The following ATRNL1 variants were observed in gnomAD, a reference collection of about 807,000 sequenced individuals.
The protein encoded by ATRNL1 is attractin-like protein 1.
Under a neutral mutation model 182.7 loss-of-function variants are expected in ATRNL1, and 95 were observed. The observed-to-expected ratio is 0.52, with a 90% CI of 0.44 to 0.62. ATRNL1 has a LOEUF of 0.62. Among genes scored for constraint, ATRNL1 ranks in the 20% least tolerant of loss-of-function variants. ATRNL1 has a pLI of 0.00. For missense variants in ATRNL1, 1,471 were observed against 1,679.5 expected, an observed-to-expected ratio of 0.88 and a Z score of 2.17; for synonymous variants, 576 against 568.3, an observed-to-expected ratio of 1.01 and a Z score of -0.19.
At chr10:115,800,148 G>A (rs1305725079) in intron 27 of ATRNL1, among the ~76,000 whole-genome samples, 4 of 151,476 alleles carry the variant, frequency 2.6e-5, no homozygotes, top group African/African-American at 7.3e-5. Context: ...TGAACCCCAC[G>A]AGATGGAGGT....
intron 21 of ATRNL1, among the ~76,000 whole-genome samples, chr10:115,436,758 C>A (rs1233023202): frequency 3.9e-5 from 6 of 152,012 alleles, no homozygotes; most frequent in Non-Finnish European, 8.8e-5. Context: ...CATTTACTTG[C>A]GTTTACTGAC....
At chr10:115,420,545 G>A (rs1192782504) in intron 20 of ATRNL1, among the ~76,000 whole-genome samples, 25 of 152,056 alleles carry the variant, frequency 1.6e-4, no homozygotes, top group Non-Finnish European at 5.9e-5. Flanking sequence ...AAACTTATGG[G>A]ATATAGCAAA....
At chr10:115,459,558 T>A (rs190669414) in intron 21 of ATRNL1, among the ~76,000 whole-genome samples, 1 of 150,938 alleles carries the variant, frequency 6.6e-6, no homozygotes, top group East Asian at 1.9e-4. Flanking sequence ...ACCTAATAAA[T>A]TTTGGTCAGA....
At chr10:115,353,713 T>C (rs1856374926) in intron 19 of ATRNL1, among the ~76,000 whole-genome samples, 1 of 152,192 alleles carries the variant, frequency 6.6e-6, no homozygotes, top group South Asian at 2.1e-4. Context: ...TGCTTTTTAT[T>C]TTTTCAATTT....
intron 25 of ATRNL1, among the ~76,000 whole-genome samples, chr10:115,534,986 C>T (rs1274142150): frequency 6.6e-6 from 1 of 152,194 alleles, no homozygotes; most frequent in Non-Finnish European, 1.5e-5. Context: ...CGCTGTTAGT[C>T]TGATGGGCTT....
At position 115,364,578 on chromosome 10, in the gene ATRNL1, G is replaced by A. The variant is rs868914220; in HGVS notation, c.3176-30081G>A. Reference sequence around the variant, plus strand: ...TATGTTGAATAGGAGTGGTGAGAGAGGGCATCCCTGTCTTGTGCCAGTTTT... The same window carrying A: ...TATGTTGAATAGGAGTGGTGAGAGAAGGCATCCCTGTCTTGTGCCAGTTTT... On this transcript the variant is annotated intron_variant, in intron 19 of 28. Transcript: ENST00000355044. 9.9e-3 allele frequency among the ~76,000 whole-genome samples: 1,471 copies of A among 148,010 alleles called. 26 individuals carry two copies. The highest frequency in any genetic ancestry group is 0.034 in the African/African-American group (1,359 of 39,608).
intron 28 of ATRNL1, among the ~76,000 whole-genome samples, chr10:115,940,234 T>TA (rs1953686351): frequency 6.6e-6 from 1 of 152,264 alleles, no homozygotes; most frequent in Admixed American, 6.5e-5. Context: ...CCTATGTGGT[T>TA]AGGGGTACAT....
chr10:115,835,986 A>G (rs1950661579), intron 27 of ATRNL1, among the ~76,000 whole-genome samples: 1 of 152,162 alleles, frequency 6.6e-6, no homozygotes, highest in Admixed American at 6.5e-5. Flanking sequence ...TCCTGTGGCT[A>G]CTTCCCAATG....
At chr10:115,702,186 A>G (rs1946758556) in intron 26 of ATRNL1, among the ~76,000 whole-genome samples, 1 of 152,020 alleles carries the variant, frequency 6.6e-6, no homozygotes, top group Non-Finnish European at 1.5e-5. Flanking sequence ...TCATCTCAAT[A>G]GACACCAAAA....
chr10:115,596,854 A>G (rs968501309), intron 26 of ATRNL1, among the ~76,000 whole-genome samples: 4 of 152,276 alleles, frequency 2.6e-5, no homozygotes, highest in East Asian at 1.9e-4. Flanking sequence ...TGAGACATCA[A>G]TCTTTATCAA....
intron 18 of ATRNL1, among the ~76,000 whole-genome samples, chr10:115,318,201 AT>A (rs1451984098): frequency 1.4e-4 from 21 of 152,236 alleles, no homozygotes; most frequent in African/African-American, 5.1e-4. Context: ...ACGTTTATTG[AT>A]TTGCATATGT....
intron 26 of ATRNL1, among the ~76,000 whole-genome samples, chr10:115,606,512 C>T (rs1856882691): frequency 6.6e-6 from 1 of 151,944 alleles, no homozygotes; most frequent in African/African-American, 2.4e-5. Context: ...TTTTGCAGTG[C>T]TTTTTGGGAA....
intron 27 of ATRNL1, among the ~76,000 whole-genome samples, chr10:115,801,030 T>C (rs1949780462): frequency 1.3e-5 from 2 of 152,198 alleles, no homozygotes; most frequent in South Asian, 4.1e-4. Flanking sequence ...CATCTTCCAG[T>C]CATTGAACTA....
intron 24 of ATRNL1, among the ~76,000 whole-genome samples, chr10:115,487,983 C>T (rs1431326704): frequency 6.6e-6 from 1 of 151,960 alleles, no homozygotes; most frequent in African/African-American, 2.4e-5. Context: ...TTGAGATAAT[C>T]GTGTTTTTTG....
intron 19 of ATRNL1, among the ~76,000 whole-genome samples, chr10:115,388,875 A>G (rs1843817083): frequency 6.6e-6 from 1 of 152,056 alleles, no homozygotes; most frequent in Non-Finnish European, 1.5e-5. Flanking sequence ...AAAATGTGGC[A>G]TTTACATTTT....
At chr10:115,851,833 T>A (rs1279615320) in intron 28 of ATRNL1, among the ~76,000 whole-genome samples, 1 of 152,156 alleles carries the variant, frequency 6.6e-6, no homozygotes, top group Non-Finnish European at 1.5e-5. Flanking sequence ...GCAGCCACTT[T>A]GTCTTCTGAC....
intron 8 of ATRNL1, among the ~76,000 whole-genome samples, chr10:115,215,272 C>A (rs1849184236): frequency 6.6e-6 from 1 of 152,102 alleles, no homozygotes; most frequent in Non-Finnish European, 1.5e-5. Flanking sequence ...CAGCACAGTA[C>A]TAAAAATGTG....
chr10:115,601,129 T>C (rs551616722), intron 26 of ATRNL1, among the ~76,000 whole-genome samples: 6 of 152,240 alleles, frequency 3.9e-5, no homozygotes, highest in African/African-American at 1.4e-4. Context: ...CTTCTTTGGC[T>C]CATGACTTAC....
Position 115,743,657 on chromosome 10 carries a change from G to A in ATRNL1, c.3903+16302G>A, listed in dbSNP as rs1452798784. On this transcript the variant is annotated intron_variant, in intron 27 of 28. Transcript: ENST00000355044. ...TCTTAAAAAATATTTGAGTTACAAA[G>A]TAATTAGGACTGCCTGATTTTGCTT... 3.3e-5 allele frequency among the ~76,000 whole-genome samples: 5 copies of A among 152,140 alleles called. No homozygotes were observed. The South Asian group carries it at 1.0e-3, about 31-fold the overall frequency.
Sources: gnomAD v4.1 joint callset for allele counts (sites outside exome capture counted in the v4.1 genomes callset) on GRCh38, gnomAD v4.1.1 for gene constraint, MANE v1.5 for transcripts, NCBI Gene and HGNC (gene_info 2026-07-23, HGNC 2026-07-21) for gene names.